NSMCE2: variants seen among roughly 807,000 people sequenced by gnomAD.
NSMCE2 encodes NSE2 SUMO ligase component of SMC5/6 complex, also known as E3 SUMO-protein ligase NSE2.
NSMCE2 carries 24 observed loss-of-function variants against 23.8 expected under a neutral mutation model. That is an observed-to-expected ratio of 1.01 (90% confidence interval 0.73 to 1.42). The LOEUF is 1.42. Ranked by LOEUF, NSMCE2 falls within the 40% of genes most tolerant of loss-of-function variation. The pLI is 0.00. For synonymous variants in NSMCE2, 92 were observed against 94.1 expected, an observed-to-expected ratio of 0.98 and a Z score of 0.13; for missense variants, 284 against 296.5, an observed-to-expected ratio of 0.96 and a Z score of 0.31.
intron 4 of NSMCE2, among the ~76,000 whole-genome samples, chr8:125,176,770 A>C (rs1456481805): frequency 6.6e-6 from 1 of 152,162 alleles, no homozygotes; most frequent in African/African-American, 2.4e-5. Context: ...AAAGATCCCG[A>C]TTTCTAAGTG....
At chr8:125,319,141 A>G (rs1246761971) in intron 5 of NSMCE2, among the ~76,000 whole-genome samples, 1 of 152,238 alleles carries the variant, frequency 6.6e-6, no homozygotes, top group Admixed American at 6.5e-5. Flanking sequence ...CTTTTGCTTC[A>G]GTAGTAGAAA....
intron 5 of NSMCE2, among the ~76,000 whole-genome samples, chr8:125,286,996 G>C (rs1034327151): frequency 6.6e-6 from 1 of 152,104 alleles, no homozygotes; most frequent in Non-Finnish European, 1.5e-5. Flanking sequence ...CTCCTCTGTA[G>C]GGTGGTTTTA....
intron 5 of NSMCE2, among the ~76,000 whole-genome samples, chr8:125,282,498 T>C (rs1827733772): frequency 6.6e-6 from 1 of 152,250 alleles, no homozygotes; most frequent in South Asian, 2.1e-4. Context: ...GCAGGCTACA[T>C]ATGGTTGATG....
intron 5 of NSMCE2, among the ~76,000 whole-genome samples, chr8:125,303,742 C>A (rs925180374): frequency 2.6e-5 from 4 of 152,104 alleles, no homozygotes; most frequent in Non-Finnish European, 4.4e-5. Context: ...GTAATTTTGT[C>A]CACCAGTCCC....
chr8:125,366,316 G>A (rs1005720888), intron 7 of NSMCE2, among the ~76,000 whole-genome samples: 2 of 152,160 alleles, frequency 1.3e-5, no homozygotes, highest in South Asian at 2.1e-4. Context: ...CGAGGCGGGC[G>A]GATCACGAGG....
At chr8:125,160,304 G>T (rs1432106305) in intron 4 of NSMCE2, among the ~76,000 whole-genome samples, 2 of 152,172 alleles carry the variant, frequency 1.3e-5, no homozygotes, top group African/African-American at 4.8e-5. Flanking sequence ...GTTCTGTAAA[G>T]AACTCATTTC....
At chr8:125,169,475 G>A (rs1387228898) in intron 4 of NSMCE2, among the ~76,000 whole-genome samples, 1 of 152,168 alleles carries the variant, frequency 6.6e-6, no homozygotes, top group Non-Finnish European at 1.5e-5. Flanking sequence ...CTGGGATTCT[G>A]TAACTTCGTA....
At chr8:125,302,383 C>T (rs951346826) in intron 5 of NSMCE2, among the ~76,000 whole-genome samples, 11 of 152,096 alleles carry the variant, frequency 7.2e-5, no homozygotes, top group Non-Finnish European at 4.4e-5. Flanking sequence ...GCCTGGCACA[C>T]ATTCCAGGAG....
At chr8:125,143,480 A>G (rs965507580) in intron 3 of NSMCE2, among the ~76,000 whole-genome samples, 1 of 152,176 alleles carries the variant, frequency 6.6e-6, no homozygotes, top group African/African-American at 2.4e-5. Flanking sequence ...ATGACATTTA[A>G]TATTTATCAG....
chr8:125,280,865 C>T (rs1050109688), intron 5 of NSMCE2, among the ~76,000 whole-genome samples: 3 of 152,142 alleles, frequency 2.0e-5, no homozygotes, highest in African/African-American at 7.2e-5. Flanking sequence ...TGTAGTTAAT[C>T]TGTAACTATA....
intron 3 of NSMCE2, among the ~76,000 whole-genome samples, chr8:125,149,115 C>T (rs1346444387): frequency 6.6e-6 from 1 of 152,046 alleles, no homozygotes; most frequent in Non-Finnish European, 1.5e-5. Flanking sequence ...TCTCACGCAC[C>T]ATTTTGTTAA....
chr8:125,275,725 T>C (rs1213651062), intron 5 of NSMCE2, among the ~76,000 whole-genome samples: 1 of 152,154 alleles, frequency 6.6e-6, no homozygotes, highest in Non-Finnish European at 1.5e-5. Context: ...CCGTATGAGG[T>C]GTTTTGCTGA....
At chr8:125,199,249 C>G (rs1417781016) in intron 5 of NSMCE2, among the ~76,000 whole-genome samples, 1 of 152,134 alleles carries the variant, frequency 6.6e-6, no homozygotes, top group Non-Finnish European at 1.5e-5. Flanking sequence ...TCTTGCTTCT[C>G]TAGTTCTTCT....
intron 3 of NSMCE2, among the ~76,000 whole-genome samples, chr8:125,108,507 CCTAA>C (rs1292102171): frequency 6.6e-6 from 1 of 152,170 alleles, no homozygotes; most frequent in Non-Finnish European, 1.5e-5. Context: ...GAGTAAGGTA[CCTAA>C]CTTCTTTCAG....
At chr8:125,230,202 A>G (rs74735124) in intron 5 of NSMCE2, among the ~76,000 whole-genome samples, 1 of 152,208 alleles carries the variant, frequency 6.6e-6, no homozygotes, top group Non-Finnish European at 1.5e-5. Context: ...ATTCATCCAG[A>G]TATCAGATAT....
At chr8:125,257,741 A>G (rs1186523361) in intron 5 of NSMCE2, among the ~76,000 whole-genome samples, 1 of 151,936 alleles carries the variant, frequency 6.6e-6, no homozygotes, top group Non-Finnish European at 1.5e-5. Context: ...TCATTGTGTT[A>G]GCCAGGATGG....
intron 5 of NSMCE2, among the ~76,000 whole-genome samples, chr8:125,213,740 C>CCTTATTTCCTTCCTTCCTTG (rs1404727224): frequency 6.6e-6 from 1 of 150,478 alleles, no homozygotes; most frequent in Non-Finnish European, 1.5e-5. Context: ...TTCCTTCCTT[C>CCTTATTTCCTTCCTTCCTTG]CTTCCTTCAA....
intron 1 of NSMCE2, among the ~76,000 whole-genome samples, chr8:125,096,852 C>G (rs1374731436): frequency 6.6e-6 from 1 of 151,944 alleles, no homozygotes; most frequent in Non-Finnish European, 1.5e-5. Flanking sequence ...CTCGAGTGAT[C>G]AACTGCCTCG....
At chr8:125,121,889 C>T (rs1432969471) in intron 3 of NSMCE2, among the ~76,000 whole-genome samples, 2 of 151,678 alleles carry the variant, frequency 1.3e-5, no homozygotes, top group Admixed American at 6.6e-5. Context: ...TGTTTTTTAA[C>T]CACAATAATG....
Sources: gnomAD v4.1 joint callset for allele counts (sites outside exome capture counted in the v4.1 genomes callset) on GRCh38, gnomAD v4.1.1 for gene constraint, MANE v1.5 for transcripts, NCBI Gene and HGNC (gene_info 2026-07-23, HGNC 2026-07-21) for gene names.